Variants in RPF1 observed in about 807,000 individuals in gnomAD.
The protein encoded by RPF1 is ribosome production factor 1.
A neutral mutation model predicts 41.9 loss-of-function variants in RPF1; 34 were observed. That is an observed-to-expected ratio of 0.81 (90% CI 0.62 to 1.08). The LOEUF is 1.08. Among genes scored for constraint, RPF1 ranks in the 50% least tolerant of loss-of-function variants. The pLI, the probability that RPF1 is intolerant of heterozygous loss-of-function variation, is 0.00. For missense variants in RPF1, 425 were observed against 435.2 expected, an observed-to-expected ratio of 0.98 and a Z score of 0.21; for synonymous variants, 140 against 148.9, an observed-to-expected ratio of 0.94 and a Z score of 0.43.
At chr1:84,486,393 C>G (rs1681738905) in intron 3 of RPF1, among the ~76,000 whole-genome samples, 1 of 151,900 alleles carries the variant, frequency 6.6e-6, no homozygotes, top group African/African-American at 2.4e-5. Context: ...TGAGACCATC[C>G]TGGCTAACGT....
chr1:84,481,889 C>G (rs539453517), intron 2 of RPF1, among the ~76,000 whole-genome samples: 3 of 152,290 alleles, frequency 2.0e-5, no homozygotes, highest in Admixed American at 6.5e-5. Flanking sequence ...ACTAAACACT[C>G]TACTATTTCA....
Position 84,496,269 on chromosome 1 carries a change from G to C in RPF1, c.907G>C (p.Val303Leu). The C allele has an allele frequency of 1.2e-6, 2 of 1,613,522 alleles. No individual in the cohort carries two copies. Among genetic ancestry groups the C allele is most frequent in the Non-Finnish European group, 1.7e-6 (2 of 1,179,632 alleles). Residue 303 changes from valine (V) to leucine (L), a missense_variant, in exon 8 of 9, where the codon GTG (valine) becomes CTG (leucine). Transcript: ENST00000370654. ...ATACATATTCAGGAGTGAAAAGAAAGTGGGAATTCAGGAACTTGGACCACG... is the reference window on the plus strand; with the variant it reads ...ATACATATTCAGGAGTGAAAAGAAACTGGGAATTCAGGAACTTGGACCACG... Reference protein sequence around the residue: ...HRYIFRSEKKVGIQELGPRFT... With the variant: ...HRYIFRSEKKLGIQELGPRFT...
intron 3 of RPF1, among the ~76,000 whole-genome samples, chr1:84,485,062 A>G (rs544723641): frequency 6.6e-6 from 1 of 152,230 alleles, no homozygotes; most frequent in African/African-American, 2.4e-5. Flanking sequence ...TGAACACAGC[A>G]TTTATTTATG....
At chr1:84,485,782 C>T (rs183967440) in intron 3 of RPF1, among the ~76,000 whole-genome samples, 22 of 152,290 alleles carry the variant, frequency 1.4e-4, no homozygotes, top group African/African-American at 4.8e-4. Flanking sequence ...TTGAATGTTA[C>T]TCCTCAACTT....
Position 84,497,581 on chromosome 1 carries a change from C to A in RPF1, c.*111C>A. On this transcript the variant is annotated 3_prime_UTR_variant, in exon 9 of 9. Transcript: ENST00000370654. The stretch of plus-strand genomic sequence containing the variant: ...AATGGCATTTGCTGATTTCATAAAC[C>A]TTTCACGTCTGGACGAATTACCAAA... 1 of 713,876 alleles carries A rather than the reference C, an allele frequency of 1.4e-6. No homozygotes were observed. The highest frequency in any genetic ancestry group is 2.2e-6 in the Non-Finnish European group (1 of 444,654). The allele number at this position is 713,876 out of a possible 1,614,324, so 44.2% of individuals were successfully genotyped here.
At position 84,498,295 on chromosome 1, in the gene RPF1, T is replaced by G. The variant is rs570659831; in HGVS notation, c.*825T>G. On this transcript the variant is annotated 3_prime_UTR_variant, in exon 9 of 9. Transcript: ENST00000370654. ...GTGTTCAGAACAGATTAATATACCATGTATTTAATACCAATAATAATGCAA... is the reference window on the plus strand; with the variant it reads ...GTGTTCAGAACAGATTAATATACCAGGTATTTAATACCAATAATAATGCAA... 6.5e-6 allele frequency: 1 copy of G among 152,762 alleles called. No individual in the cohort carries two copies. The highest frequency in any genetic ancestry group is 2.1e-4 in the South Asian group (1 of 4,832). 9.5% of individuals were successfully genotyped at this position (152,762 alleles called of 1,614,324 possible).
Position 84,495,957 on chromosome 1 carries a change from A to G in RPF1, c.775A>G (p.Ile259Val), listed in dbSNP as rs376300199. 1.6e-5 allele frequency: 25 copies of G among 1,610,822 alleles called. No individual in the cohort carries two copies. The highest frequency in any genetic ancestry group is 8.0e-5 in the African/African-American group (6 of 74,832). ...TTTTACAACACGGCTGGGTCATTCA[A>G]TTGGACGTATGTTTGCATCTCTCTT... ...NNFTTRLGHS[I>V]GRMFASLFPH... Residue 259 changes from isoleucine to valine, a missense_variant, in exon 7 of 9, where the codon ATT becomes GTT. Physicochemically the swap from Ile to Val is conservative, Grantham distance 29. Coordinates refer to ENST00000370654, the MANE Select transcript of RPF1 (RefSeq NM_025065.7).
chr1:84,489,558 C>A, intron 3 of RPF1, 75 bp from the exon 4 acceptor site: 2 of 812,260 alleles, frequency 2.5e-6, no homozygotes, highest in African/African-American at 1.7e-5. Context: ...AACAGTCCTG[C>A]TGATGCTACT....
At chr1:84,492,886 A>G (rs1681860838) in intron 5 of RPF1, among the ~76,000 whole-genome samples, 1 of 152,220 alleles carries the variant, frequency 6.6e-6, no homozygotes, top group African/African-American at 2.4e-5. Flanking sequence ...AGGGGGCTTA[A>G]GCTAGGTGCA....
chr1:84,493,000 T>C (rs1681862094), intron 5 of RPF1, among the ~76,000 whole-genome samples: 1 of 152,226 alleles, frequency 6.6e-6, no homozygotes, highest in African/African-American at 2.4e-5. Flanking sequence ...ATAGGCATGA[T>C]GACTCCTGTT....
intron 3 of RPF1, among the ~76,000 whole-genome samples, chr1:84,483,514 G>A (rs775417135): frequency 6.6e-5 from 10 of 152,140 alleles, no homozygotes; most frequent in Admixed American, 2.0e-4. Flanking sequence ...TGATCCGCCC[G>A]CTTTGGCCTC....
intron 2 of RPF1, among the ~76,000 whole-genome samples, chr1:84,482,380 T>C (rs1438955595): frequency 1.3e-5 from 2 of 152,218 alleles, no homozygotes. Context: ...TTGCCCTGTT[T>C]GCTGTTTATT....
chr1:84,485,461 A>AC lies in RPF1; in HGVS notation c.366+2470dup, dbSNP rs551528113. 2.0e-5 allele frequency among the ~76,000 whole-genome samples: 3 copies of AC among 152,118 alleles called. No individual in the cohort carries two copies. The South Asian group carries it at 6.2e-4, about 32-fold the overall frequency. ...TGCATGACACAAACTTTTGACTGTG[A>AC]CCCCATCACATGAGGTGAGGTGTGG... is the stretch of plus-strand genomic sequence containing the variant. On this transcript the variant is annotated intron_variant, in intron 3 of 8. Transcript: ENST00000370654.
chr1:84,496,736 T>C (rs61768861), intron 8 of RPF1, among the ~76,000 whole-genome samples: 6,424 of 152,108 alleles, frequency 0.042, 222 homozygotes, highest in Non-Finnish European at 0.052. Flanking sequence ...ATTTAGGGGG[T>C]GGGACCCAGC....
rs1558543319 is a variant in RPF1 at position 84,490,358 on chromosome 1, C to CCAAACT, written c.505_510dup (p.Asn169_Ser170dup). On this transcript the variant is annotated inframe_insertion, in exon 5 of 9. Coordinates refer to ENST00000370654, the MANE Select transcript of RPF1 (RefSeq NM_025065.7). ...CTGTGAACAGCTCTCCACAGTTATA[C>CCAAACT]CAAACTCACATGTTTATTACAGAAG... The CCAAACT allele has an allele frequency of 6.2e-7, 1 of 1,608,990 alleles. No homozygotes were observed. The highest frequency in any genetic ancestry group is 1.7e-5 in the Admixed American group (1 of 59,080).
intron 3 of RPF1, among the ~76,000 whole-genome samples, chr1:84,488,681 TAGAG>T (rs1681777240): frequency 6.6e-6 from 1 of 152,168 alleles, no homozygotes; most frequent in South Asian, 2.1e-4. Context: ...TTTGTGTCAC[TAGAG>T]ATAGATTATT....
intron 5 of RPF1, among the ~76,000 whole-genome samples, chr1:84,494,543 TGCCATTAAGCAATA>T (rs1681895006): frequency 6.6e-6 from 1 of 152,184 alleles, no homozygotes; most frequent in African/African-American, 2.4e-5. Flanking sequence ...CTGCTTGTAA[TGCCATTAAGCAATA>T]GCCAAGAATT....
intron 2 of RPF1, among the ~76,000 whole-genome samples, chr1:84,481,682 A>C (rs1681649658): frequency 6.6e-6 from 1 of 152,140 alleles, no homozygotes; most frequent in African/African-American, 2.4e-5. Context: ...TTATTGAAAA[A>C]ATTTTTTAAA....
Position 84,490,477 on chromosome 1 carries a change from C to CT in RPF1, c.616+5_616+6insT. ...ATGAAGATCGTAAAACCCCAAGTATCCTTTTTTTTTTTAAGGAGGTTTTCC... is the reference window on the plus strand; with the variant it reads ...ATGAAGATCGTAAAACCCCAAGTATCTCTTTTTTTTTTTAAGGAGGTTTTCC... On this transcript the variant is annotated splice_donor_region_variant and intron_variant, in intron 5 of 8. Coordinates refer to ENST00000370654, the MANE Select transcript of RPF1 (RefSeq NM_025065.7). 1.3e-6 allele frequency: 2 copies of CT among 1,555,752 alleles called. No individual in the cohort carries two copies. Among genetic ancestry groups the CT allele is most frequent in the Admixed American group, 2.0e-5 (1 of 49,236 alleles).
Sources: gnomAD v4.1 joint callset for allele counts (sites outside exome capture counted in the v4.1 genomes callset) on GRCh38, gnomAD v4.1.1 for gene constraint, MANE v1.5 for transcripts, NCBI Gene and HGNC (gene_info 2026-07-23, HGNC 2026-07-21) for gene names.